Variants in PELI2 observed in about 807,000 individuals in gnomAD.
The protein encoded by PELI2 is pellino E3 ubiquitin protein ligase family member 2.
In PELI2, 23 loss-of-function variants were observed where a neutral mutation model predicts 42.3. The observed-to-expected ratio is 0.54, with a 90% CI of 0.39 to 0.77. PELI2 has a LOEUF of 0.77. PELI2 is among the 30% of genes least tolerant of loss of function. PELI2 has a pLI of 0.00. For missense variants in PELI2, 463 were observed against 553.2 expected, an observed-to-expected ratio of 0.84 and a Z score of 1.64; for synonymous variants, 245 against 212.2, an observed-to-expected ratio of 1.15 and a Z score of -1.34.
At chr14:56,229,035 C>T (rs1887462874) in intron 2 of PELI2, among the ~76,000 whole-genome samples, 1 of 152,228 alleles carries the variant, frequency 6.6e-6, no homozygotes, top group Non-Finnish European at 1.5e-5. Flanking sequence ...TGCAAGATGG[C>T]AGCAAGGCTC....
rs149012362 is a variant in PELI2, at chr14:56,178,400, G to C, written c.143G>C (p.Arg48Pro). 1 of 1,614,112 alleles carries C rather than the reference G, an allele frequency of 6.2e-7. No individual in the cohort carries two copies. The highest frequency in any genetic ancestry group is 8.5e-7 in the Non-Finnish European group (1 of 1,179,970). The change falls in exon 2 of 6, where the codon CGG (arginine) becomes CCG (proline). Residue 48 changes from arginine to proline, a missense_variant. Arg to Pro is a moderately radical substitution (Grantham distance 103). Coordinates refer to ENST00000267460, the MANE Select transcript of PELI2 (RefSeq NM_021255.3). ...RRKSRFALYK[R>P]PKANGVKPST... Reference sequence around the variant, plus strand: ...AAAAGTAGATTTGCCCTCTACAAGCGGCCCAAGGCAAATGGTGTCAAACCC... The same window carrying C: ...AAAAGTAGATTTGCCCTCTACAAGCCGCCCAAGGCAAATGGTGTCAAACCC...
chr14:56,249,169 G>T (rs1594682388), intron 2 of PELI2, among the ~76,000 whole-genome samples: 4 of 152,292 alleles, frequency 2.6e-5, no homozygotes, highest in Admixed American at 2.6e-4. Context: ...ATTCACATAT[G>T]AGAATTCTAA....
chr14:56,234,766 A>G (rs534500231), intron 2 of PELI2, among the ~76,000 whole-genome samples: 1 of 152,228 alleles, frequency 6.6e-6, no homozygotes, highest in African/African-American at 2.4e-5. Context: ...AAAAATGTAA[A>G]AAGTGAAGCC....
At chr14:56,187,810 A>G (rs1461772775) in intron 2 of PELI2, among the ~76,000 whole-genome samples, 1 of 152,116 alleles carries the variant, frequency 6.6e-6, no homozygotes. Context: ...GAGGTGATGG[A>G]GGGCAGCCTA....
chr14:56,136,919 A>G lies in PELI2; in HGVS notation c.77+18182A>G, dbSNP rs142579669. Reference sequence around the variant, plus strand: ...TACATGTGGAGAAAAACCCACCAATATAGAATTAGTGTGTTTCTCAGCTTC... The same window carrying G: ...TACATGTGGAGAAAAACCCACCAATGTAGAATTAGTGTGTTTCTCAGCTTC... On this transcript the variant is annotated intron_variant, in intron 1 of 5. Coordinates refer to ENST00000267460, the MANE Select transcript of PELI2 (RefSeq NM_021255.3). Among the ~76,000 whole-genome samples, 1,171 of 152,204 alleles carry G rather than the reference A, an allele frequency of 7.7e-3. 13 individuals are homozygous for G. Among genetic ancestry groups the G allele is most frequent in the African/African-American group, 0.027 (1,119 of 41,500 alleles).
rs3042510 is a variant in PELI2 at position 56,181,840 on chromosome 14, ATG to A, written c.207+3408_207+3409del. ...TCAGAGGTATTTCTCTGATTATGTA[ATG>A]TGTGTGTGTGTGTGTGTGTGTGTGT... On this transcript the variant is annotated intron_variant, in intron 2 of 5. Transcript: ENST00000267460. 5.6e-3 allele frequency among the ~76,000 whole-genome samples: 823 copies of A among 148,110 alleles called. 2 individuals carry two copies. The highest frequency in any genetic ancestry group is 0.012 in the African/African-American group (477 of 40,774).
At chr14:56,245,034 G>A (rs1005420795) in intron 2 of PELI2, among the ~76,000 whole-genome samples, 5 of 152,178 alleles carry the variant, frequency 3.3e-5, no homozygotes, top group African/African-American at 7.2e-5. Flanking sequence ...ACAACTGGAG[G>A]TAAATATAAG....
intron 2 of PELI2, among the ~76,000 whole-genome samples, chr14:56,191,653 G>A (rs781058021): frequency 1.6e-4 from 24 of 152,320 alleles, no homozygotes; most frequent in Non-Finnish European, 2.6e-4. Flanking sequence ...CACCTTCTGA[G>A]CCTGTGAGAT....
At chr14:56,210,311 A>G (rs1594641891) in intron 2 of PELI2, among the ~76,000 whole-genome samples, 1 of 152,226 alleles carries the variant, frequency 6.6e-6, no homozygotes, top group Admixed American at 6.5e-5. Flanking sequence ...AACAAAAGCA[A>G]CTGCCACAAG....
intron 2 of PELI2, among the ~76,000 whole-genome samples, chr14:56,179,249 G>C (rs1046910794): frequency 9.9e-5 from 15 of 151,568 alleles, no homozygotes; most frequent in African/African-American, 3.4e-4. Flanking sequence ...CATTTCATAC[G>C]GGGCTACTGG....
In PELI2 at chr14:56,118,592, G is replaced by C; in HGVS notation, c.-69G>C. 1 of 1,018,692 alleles carries C rather than the reference G, an allele frequency of 9.8e-7. No individual in the cohort carries two copies. 63.1% of individuals were successfully genotyped at this position (1,018,692 alleles called of 1,614,324 possible). Reference sequence around the variant, plus strand: ...CTCGGGATGGGATTGTAGCGGCGGCGCGGACTCGGCGGGGATCGCGGCGGA... The same window carrying C: ...CTCGGGATGGGATTGTAGCGGCGGCCCGGACTCGGCGGGGATCGCGGCGGA... On this transcript the variant is annotated 5_prime_UTR_variant, in exon 1 of 6. Coordinates refer to ENST00000267460, the MANE Select transcript of PELI2 (RefSeq NM_021255.3).
intron 2 of PELI2, among the ~76,000 whole-genome samples, chr14:56,247,248 C>CT (rs1351389914): frequency 1.3e-5 from 2 of 152,200 alleles, no homozygotes; most frequent in Non-Finnish European, 2.9e-5. Context: ...AATGCTTAAA[C>CT]TACTTTTATC....
At chr14:56,142,533 A>T (rs1883951032) in intron 1 of PELI2, among the ~76,000 whole-genome samples, 1 of 152,208 alleles carries the variant, frequency 6.6e-6, no homozygotes, top group African/African-American at 2.4e-5. Context: ...GAATGAATGA[A>T]TCAGTCTTCC....
At chr14:56,252,334 G>A (rs1476111540) in intron 2 of PELI2, among the ~76,000 whole-genome samples, 2 of 152,212 alleles carry the variant, frequency 1.3e-5, no homozygotes, top group South Asian at 2.1e-4. Flanking sequence ...ATATCACAAT[G>A]TCTTACTGGG....
intron 2 of PELI2, among the ~76,000 whole-genome samples, chr14:56,278,397 C>T (rs1157801153): frequency 1.3e-5 from 2 of 152,064 alleles, no homozygotes; most frequent in Non-Finnish European, 1.5e-5. Flanking sequence ...GAAAATAGTT[C>T]TTTATAAATT....
At chr14:56,252,022 A>C (rs1037998102) in intron 2 of PELI2, among the ~76,000 whole-genome samples, 2 of 152,188 alleles carry the variant, frequency 1.3e-5, no homozygotes, top group Non-Finnish European at 2.9e-5. Context: ...TGACAATAGC[A>C]CAGGGTAATA....
chr14:56,131,824 A>G (rs1318409441), intron 1 of PELI2, among the ~76,000 whole-genome samples: 1 of 152,184 alleles, frequency 6.6e-6, no homozygotes, highest in Non-Finnish European at 1.5e-5. Flanking sequence ...AATAAAGCAT[A>G]CAGACTTGGT....
intron 2 of PELI2, among the ~76,000 whole-genome samples, chr14:56,200,094 A>AAT (rs1886278595): frequency 6.6e-6 from 1 of 152,258 alleles, no homozygotes; most frequent in African/African-American, 2.4e-5. Context: ...TCAAGGCCTC[A>AAT]ATATAACTGT....
In PELI2 at chr14:56,263,347, A is replaced by G. The variant is rs185782312; in HGVS notation, c.208-16329A>G. ...TGATAAATATGCAAGAATGCAGGAT[A>G]TAGAATTTTTATGAGCCCTTACTGA... On this transcript the variant is annotated intron_variant, in intron 2 of 5. Coordinates refer to ENST00000267460, the MANE Select transcript of PELI2 (RefSeq NM_021255.3). Among the ~76,000 whole-genome samples, 13 of 152,340 alleles carry G rather than the reference A, an allele frequency of 8.5e-5. No individual in the cohort carries two copies. In the East Asian group the frequency reaches 2.5e-3, roughly 29 times the overall value.
Sources: allele counts gnomAD v4.1 joint callset (sites outside exome capture counted in the v4.1 genomes callset), GRCh38; gene constraint gnomAD v4.1.1; transcripts MANE v1.5; gene names NCBI Gene and HGNC (gene_info 2026-07-23, HGNC 2026-07-21).